PATJ: variants seen among roughly 807,000 people sequenced by gnomAD.
PATJ encodes the protein PATJ crumbs cell polarity complex component, also known as inaD-like protein.
In PATJ, 190 loss-of-function variants were observed where a neutral mutation model predicts 224.9. The ratio of observed to expected loss-of-function variants is 0.84; its 90% CI spans 0.75 to 0.95. PATJ has a LOEUF of 0.95. Among genes scored for constraint, PATJ ranks in the 40% least tolerant of loss-of-function variants. PATJ has a pLI of 0.00. For synonymous variants in PATJ, 769 were observed against 820.3 expected, an observed-to-expected ratio of 0.94 and a Z score of 1.07; for missense variants, 2,121 against 2,270.3, an observed-to-expected ratio of 0.93 and a Z score of 1.34.
intron 41 of PATJ, among the ~76,000 whole-genome samples, chr1:62,136,333 G>A (rs931877244): frequency 2.0e-5 from 3 of 151,844 alleles, no homozygotes; most frequent in African/African-American, 7.3e-5. Context: ...CGCCCAGCCC[G>A]ATCATTAAAT....
At chr1:62,055,828 G>A (rs928518529) in intron 31 of PATJ, among the ~76,000 whole-genome samples, 8 of 152,140 alleles carry the variant, frequency 5.3e-5, no homozygotes, top group African/African-American at 1.2e-4. Context: ...TAAGGGAATC[G>A]TCTCACGTGT....
rs71582650 is a variant in PATJ at position 61,871,557 on chromosome 1, A to ATT, written c.2836-3664_2836-3663dup. On this transcript the variant is annotated intron_variant, in intron 20 of 43. Transcript: ENST00000642238. Reference sequence around the variant, plus strand: ...TGTGTGTGTATATATATATATATATATTTTTTTTTTTTTTTTTTTTTTTGA... The same window carrying ATT: ...TGTGTGTGTATATATATATATATATATTTTTTTTTTTTTTTTTTTTTTTTTGA... Among the ~76,000 whole-genome samples, 28 of 55,066 alleles carry ATT rather than the reference A, an allele frequency of 5.1e-4. 1 individual carries two copies. The highest frequency in any genetic ancestry group is 1.3e-3 in the African/African-American group (18 of 13,834). The allele number at this position is 55,066 out of a possible 152,430, so 36.1% of individuals were successfully genotyped here. A position where few individuals can be genotyped will look rare whatever the true frequency, so the allele number is the denominator to read the frequency against.
At position 61,812,433 on chromosome 1, in the gene PATJ, AGTGTGTGTGTGTGTGT is replaced by A. The variant is rs71050167; in HGVS notation, c.1683+3923_1683+3938del. 7.6e-4 allele frequency among the ~76,000 whole-genome samples: 65 copies of A among 85,206 alleles called. 1 individual carries two copies. Among genetic ancestry groups the A allele is most frequent in the Non-Finnish European group, 1.3e-3 (55 of 42,166 alleles). 55.9% of individuals were successfully genotyped at this position (85,206 alleles called of 152,430 possible). Reference sequence around the variant, plus strand: ...GAGAGAGAGAGAGAGAGAGAGAGAGAGTGTGTGTGTGTGTGTGTGTGTGTGTGTGTGTGTGGTGGTA... The same window carrying A: ...GAGAGAGAGAGAGAGAGAGAGAGAGAGTGTGTGTGTGTGTGTGTGGTGGTA... On this transcript the variant is annotated intron_variant, in intron 14 of 43. Transcript: ENST00000642238.
chr1:61,864,129 G>A (rs755328964), intron 19 of PATJ, 109 bp from the exon 20 acceptor site: 1 of 820,390 alleles, frequency 1.2e-6, no homozygotes, highest in Non-Finnish European at 1.9e-6. Flanking sequence ...TGTTAGCTGT[G>A]CCTTGGCATA....
intron 25 of PATJ, among the ~76,000 whole-genome samples, chr1:61,913,773 A>G (rs1044955410): frequency 7.2e-5 from 11 of 152,196 alleles, no homozygotes; most frequent in African/African-American, 2.7e-4. Context: ...TGGAATATTG[A>G]GTACACACAG....
intron 41 of PATJ, among the ~76,000 whole-genome samples, chr1:62,144,626 A>G (rs1199818849): frequency 2.0e-5 from 3 of 151,880 alleles, no homozygotes; most frequent in Admixed American, 2.0e-4. Context: ...TATGATTCCC[A>G]TTTAATAGAT....
At chr1:62,150,125 G>A (rs1668471062) in intron 42 of PATJ, among the ~76,000 whole-genome samples, 1 of 152,156 alleles carries the variant, frequency 6.6e-6, no homozygotes, top group Admixed American at 6.5e-5. Flanking sequence ...GTATCCAGCT[G>A]GTGAGCTGTT....
chr1:61,903,512 C>A (rs541089649), intron 24 of PATJ, among the ~76,000 whole-genome samples: 1 of 152,074 alleles, frequency 6.6e-6, no homozygotes, highest in East Asian at 1.9e-4. Context: ...AATAAGGAGT[C>A]CCATATTCTT....
chr1:61,903,769 A>G, intron 24 of PATJ, among the ~76,000 whole-genome samples: 1 of 110,654 alleles, frequency 9.0e-6, no homozygotes, highest in Admixed American at 1.1e-4. Context: ...TTTACATGGT[A>G]CTTTGCTTTT....
At chr1:61,855,445 A>T (rs1383234985) in intron 17 of PATJ, among the ~76,000 whole-genome samples, 1 of 152,142 alleles carries the variant, frequency 6.6e-6, no homozygotes, top group East Asian at 1.9e-4. Flanking sequence ...CTGTCACCAC[A>T]GCTCTGCAGT....
At chr1:61,776,478 G>A (rs1372706730) in intron 7 of PATJ, among the ~76,000 whole-genome samples, 2 of 152,108 alleles carry the variant, frequency 1.3e-5, no homozygotes, top group African/African-American at 2.4e-5. Flanking sequence ...AAAAAATGCC[G>A]TTTTACTTGA....
chr1:62,021,806 A>C (rs1023882647), intron 29 of PATJ, among the ~76,000 whole-genome samples: 3 of 152,196 alleles, frequency 2.0e-5, no homozygotes, highest in African/African-American at 7.2e-5. Flanking sequence ...ATTCATTATC[A>C]AGTTTCCAGA....
At chr1:61,755,415 T>C (rs1270635019) in intron 1 of PATJ, among the ~76,000 whole-genome samples, 1 of 152,126 alleles carries the variant, frequency 6.6e-6, no homozygotes, top group Non-Finnish European at 1.5e-5. Context: ...TATGTTAGTA[T>C]AGTAGTATAT....
Position 62,161,019 on chromosome 1 carries a change from CAG to C in PATJ, c.5619_5620del (p.Gly1874AspfsTer22). 6.3e-7 allele frequency: 1 copy of C among 1,599,986 alleles called. No homozygotes were observed. Among genetic ancestry groups the C allele is most frequent in the South Asian group, 1.1e-5 (1 of 88,738 alleles). On this transcript the variant is annotated frameshift_variant, in exon 44 of 44. Coordinates refer to ENST00000642238, the MANE Select transcript of PATJ (RefSeq NM_001350145.3). LOFTEE classifies it high-confidence loss of function. ...HEQAVAILKH[Q>X]RGTVTLTVLS is the part of the protein sequence containing the mutation. ...GCAAGCAGTCGCCATTCTAAAACACCAGAGAGGGACTGTAACCTTAACTGTGC... is the reference window on the plus strand; with the variant it reads ...GCAAGCAGTCGCCATTCTAAAACACCAGAGGGACTGTAACCTTAACTGTGC...
At chr1:62,094,018 A>T (rs537213893) in intron 33 of PATJ, among the ~76,000 whole-genome samples, 68 of 152,306 alleles carry the variant, frequency 4.5e-4, no homozygotes, top group South Asian at 2.7e-3. Flanking sequence ...TTTATTTCAC[A>T]TATTAGTTAC....
At chr1:62,023,255 A>G (rs990447304) in intron 29 of PATJ, among the ~76,000 whole-genome samples, 2 of 150,840 alleles carry the variant, frequency 1.3e-5, no homozygotes, top group African/African-American at 4.9e-5. Context: ...GCGCCATTGC[A>G]CTTCAGCCTG....
intron 27 of PATJ, among the ~76,000 whole-genome samples, 160 bp downstream of exon 27, chr1:61,927,989 A>G (rs1165125523): frequency 6.6e-6 from 1 of 152,202 alleles, no homozygotes; most frequent in Non-Finnish European, 1.5e-5. Context: ...TTGTGGCGTC[A>G]TTTCCTAAGC....
intron 37 of PATJ, among the ~76,000 whole-genome samples, chr1:62,118,523 G>C (rs566682963): frequency 4.6e-4 from 70 of 152,288 alleles, no homozygotes; most frequent in African/African-American, 1.6e-3. Flanking sequence ...AGAGGTAACA[G>C]GTGTTTGTGT....
chr1:61,744,259 G>A (rs1644906660), intron 1 of PATJ, among the ~76,000 whole-genome samples: 1 of 129,958 alleles, frequency 7.7e-6, no homozygotes, highest in African/African-American at 2.9e-5. Context: ...ACTCCAGCCT[G>A]GGTGACAGAG....
Sources: allele counts gnomAD v4.1 joint callset (sites outside exome capture counted in the v4.1 genomes callset), GRCh38; gene constraint gnomAD v4.1.1; transcripts MANE v1.5; gene names NCBI Gene and HGNC (gene_info 2026-07-23, HGNC 2026-07-21).